The following SRSF10 variants were observed in gnomAD, a reference collection of about 807,000 sequenced individuals.
The protein encoded by SRSF10 is serine/arginine-rich splicing factor 10.
Under a neutral mutation model 32.6 loss-of-function variants are expected in SRSF10, and 9 were observed. The ratio of observed to expected loss-of-function variants is 0.28; its 90% CI spans 0.17 to 0.48. The LOEUF (loss-of-function observed/expected upper bound fraction) is 0.48. Among genes scored for constraint, SRSF10 ranks in the 20% least tolerant of loss-of-function variants. The pLI is 0.99. For missense variants in SRSF10, 201 were observed against 331.8 expected (o/e 0.61, Z 3.06); for synonymous variants, 105 against 112.4 (o/e 0.93, Z 0.42).
Position 23,970,917 on chromosome 1 carries a change from CAG to C in SRSF10, c.*223_*224del. 1.6e-6 allele frequency: 2 copies of C among 1,241,760 alleles called. No individual in the cohort carries two copies. The highest frequency in any genetic ancestry group is 2.0e-6 in the Non-Finnish European group (2 of 993,094). 76.9% of individuals were successfully genotyped at this position (1,241,760 alleles called of 1,614,324 possible). A position where few individuals can be genotyped will look rare whatever the true frequency, so the allele number is the denominator to read the frequency against. ...AAATGAGAATCTTTACAAAAATATACAGAGACACCACAAATTGGTAGCTGCCC... is the reference window on the plus strand; with the variant it reads ...AAATGAGAATCTTTACAAAAATATACAGACACCACAAATTGGTAGCTGCCC... On this transcript the variant is annotated 3_prime_UTR_variant, in exon 6 of 6. Coordinates refer to ENST00000492112, the MANE Select transcript of SRSF10 (RefSeq NM_054016.4).
chr1:23,978,282 A>T, intron 2 of SRSF10: 1 of 990,566 alleles, frequency 1.0e-6, no homozygotes, highest in South Asian at 4.6e-5. Flanking sequence ...CTCTGAGGTA[A>T]CAACAGAGGA....
chr1:23,980,086 T>G, intron 1 of SRSF10, 105 bp downstream of exon 1: 1 of 1,278,546 alleles, frequency 7.8e-7, no homozygotes, highest in Non-Finnish European at 1.1e-6. Context: ...GGACCCGCCA[T>G]CTTCACTCCG....
chr1:23,974,952 T>C lies in SRSF10; in HGVS notation c.274+22A>G. 6 of 1,513,798 alleles carry C rather than the reference T, an allele frequency of 4.0e-6. No homozygotes were observed. In the South Asian group the frequency reaches 4.5e-5, roughly 11 times the overall value. 93.8% of individuals were successfully genotyped at this position (1,513,798 alleles called of 1,614,324 possible). On this transcript the variant is annotated intron_variant, in intron 3 of 5. Transcript: ENST00000492112. ...ACACTAAAAAATAATGTTTCATACA[T>C]ATCAGGCATAAGGGTACTTACTCTT... is the stretch of plus-strand genomic sequence containing the variant.
Position 23,969,347 on chromosome 1 carries a change from A to G in SRSF10, c.*1795T>C, listed in dbSNP as rs1641611971. ...GTTGTTTAAACTATACATCCAGGAA[A>G]ATCTAAAAAAATTAAAGAAACGTGC... On this transcript the variant is annotated 3_prime_UTR_variant, in exon 6 of 6. Coordinates refer to ENST00000492112, the MANE Select transcript of SRSF10 (RefSeq NM_054016.4). The G allele has an allele frequency of 3.0e-6, 3 of 985,552 alleles. No individual in the cohort carries two copies. The highest frequency in any genetic ancestry group is 3.6e-6 in the Non-Finnish European group (3 of 829,622). 61.1% of individuals were successfully genotyped at this position (985,552 alleles called of 1,614,324 possible).
At position 23,967,345 on chromosome 1, in the gene SRSF10, A is replaced by G. The variant is rs1641501933; in HGVS notation, c.*3797T>C. ...GACAGACCAACAGAGGCACTGTAAG[A>G]GACTATGGCTGTCTTCCTTGATATT... On this transcript the variant is annotated 3_prime_UTR_variant, in exon 6 of 6. Transcript: ENST00000492112. 4.2e-6 allele frequency: 1 copy of G among 240,082 alleles called. No homozygotes were observed. Among genetic ancestry groups the G allele is most frequent in the African/African-American group, 2.2e-5 (1 of 44,518 alleles). The allele number at this position is 240,082 out of a possible 1,614,324, so 14.9% of individuals were successfully genotyped here. A position where few individuals can be genotyped will look rare whatever the true frequency, so the allele number is the denominator to read the frequency against.
chr1:23,979,898 G>A (rs1284427817), intron 1 of SRSF10, among the ~76,000 whole-genome samples: 1 of 152,034 alleles, frequency 6.6e-6, no homozygotes, highest in Non-Finnish European at 1.5e-5. Flanking sequence ...CGGAAAGGCC[G>A]CGGCGGGGGG....
Position 23,971,345 on chromosome 1 carries a change from G to A in SRSF10, c.586C>T (p.Arg196Cys), listed in dbSNP as rs1312399338. The change falls in exon 6 of 6, where the codon CGT (arginine) becomes TGT (cysteine). Residue 196 changes from arginine to cysteine, a missense_variant. Physicochemically the swap from Arg to Cys is radical, Grantham distance 180. This residue lies in a region of SRSF10 where 159 missense variants were observed against 196.7 expected (regional missense o/e 0.81). Coordinates refer to ENST00000492112, the MANE Select transcript of SRSF10 (RefSeq NM_054016.4). ...QPKKEMKAKS[R>C]SRSASHTKTR... ...TTGGTGTGAGATGCAGACCTAGAAC[G>A]TGATTTAGCCTTCATTTCTTTCTTG... 2.5e-6 allele frequency: 4 copies of A among 1,612,812 alleles called. No homozygotes were observed. The highest frequency in any genetic ancestry group is 3.4e-6 in the Non-Finnish European group (4 of 1,179,888).
chr1:23,968,149 C>CAT lies in SRSF10; in HGVS notation c.*2991_*2992dup, dbSNP rs1641548847. On this transcript the variant is annotated 3_prime_UTR_variant, in exon 6 of 6. Transcript: ENST00000492112. Reference sequence around the variant, plus strand: ...ACATAAAACACTACGTAAAGATCCTCATCAAGTATCAGTAGGATCCAAACT... The same window carrying CAT: ...ACATAAAACACTACGTAAAGATCCTCATATCAAGTATCAGTAGGATCCAAACT... 6.6e-6 allele frequency among the ~76,000 whole-genome samples: 1 copy of CAT among 152,118 alleles called. No individual in the cohort carries two copies. Among genetic ancestry groups the CAT allele is most frequent in the Admixed American group, 6.6e-5 (1 of 15,264 alleles).
In SRSF10 at chr1:23,971,341, G is replaced by C; in HGVS notation, c.590C>G (p.Ser197Cys). 2 of 1,612,892 alleles carry C rather than the reference G, an allele frequency of 1.2e-6. No homozygotes were observed. Among genetic ancestry groups the C allele is most frequent in the Non-Finnish European group, 8.5e-7 (1 of 1,179,896 alleles). Reference sequence around the variant, plus strand: ...AGTTTTGGTGTGAGATGCAGACCTAGAACGTGATTTAGCCTTCATTTCTTT... The same window carrying C: ...AGTTTTGGTGTGAGATGCAGACCTACAACGTGATTTAGCCTTCATTTCTTT... ...PKKEMKAKSR[S>C]RSASHTKTRG... Residue 197 changes from serine to cysteine, a missense_variant, in exon 6 of 6, where the codon TCT (serine) becomes TGT (cysteine). This residue lies in a region of SRSF10 where 159 missense variants were observed against 196.7 expected (regional missense o/e 0.81). Transcript: ENST00000492112.
At position 23,966,378 on chromosome 1, in the gene SRSF10, T is replaced by G. The variant is rs1387314728; in HGVS notation, c.*4764A>C. On this transcript the variant is annotated 3_prime_UTR_variant, in exon 6 of 6. Coordinates refer to ENST00000492112, the MANE Select transcript of SRSF10 (RefSeq NM_054016.4). The stretch of plus-strand genomic sequence containing the variant: ...GGCAAAAAAGATGACAAAAATCAAA[T>G]GTGATGAAATCAATGTATAGGTAAA... 1 of 151,918 alleles carries G rather than the reference T, an allele frequency of 6.6e-6. No individual in the cohort carries two copies. Among genetic ancestry groups the G allele is most frequent in the Non-Finnish European group, 1.5e-5 (1 of 67,856 alleles). The allele number at this position is 151,918 out of a possible 1,614,324, so 9.4% of individuals were successfully genotyped here. A position where few individuals can be genotyped will look rare whatever the true frequency, so the allele number is the denominator to read the frequency against.
At chr1:23,973,587 G>T (rs1641901274) in intron 3 of SRSF10, among the ~76,000 whole-genome samples, 1 of 151,954 alleles carries the variant, frequency 6.6e-6, no homozygotes, top group African/African-American at 2.4e-5. Flanking sequence ...TCCCAAAGTG[G>T]TGGGATTACA....
intron 1 of SRSF10, 89 bp downstream of exon 1, chr1:23,980,102 T>C: frequency 1.5e-6 from 2 of 1,364,950 alleles, no homozygotes; most frequent in Non-Finnish European, 2.0e-6. Context: ...CTCCGTCCCC[T>C]CCCCCGGCCC....
At position 23,967,787 on chromosome 1, in the gene SRSF10, T is replaced by G; in HGVS notation, c.*3355A>C. 6.3e-7 allele frequency: 1 copy of G among 1,596,506 alleles called. No homozygotes were observed. Among genetic ancestry groups the G allele is most frequent in the Non-Finnish European group, 8.5e-7 (1 of 1,170,210 alleles). On this transcript the variant is annotated 3_prime_UTR_variant, in exon 6 of 6. Transcript: ENST00000492112. ...TTATTCTTCTCTGTGGTATACAGGATTTTGTTAGTTGAACTGGATGTAGCA... is the reference window on the plus strand; with the variant it reads ...TTATTCTTCTCTGTGGTATACAGGAGTTTGTTAGTTGAACTGGATGTAGCA...
At chr1:23,979,054 C>CTTGTTT (rs1642252342) in intron 1 of SRSF10, 1 of 44,806 alleles carries the variant, frequency 2.2e-5, no homozygotes, top group African/African-American at 8.3e-5. Flanking sequence ...GTATATAAGC[C>CTTGTTT]TTGTTTTTTT....
Position 23,978,574 on chromosome 1 carries a change from CAG to C in SRSF10, c.170+137_170+138del, listed in dbSNP as rs1222287739. 3.9e-5 allele frequency: 43 copies of C among 1,113,458 alleles called. No individual in the cohort carries two copies. The African/African-American group carries it at 6.1e-4, about 16-fold the overall frequency. 69.0% of individuals were successfully genotyped at this position (1,113,458 alleles called of 1,614,324 possible). Reference sequence around the variant, plus strand: ...TTAATAACGAGAGCAATGTGTGAGTCAGAATTAATTTTCAAAAATTTGAAGAC... The same window carrying C: ...TTAATAACGAGAGCAATGTGTGAGTCAATTAATTTTCAAAAATTTGAAGAC... On this transcript the variant is annotated intron_variant, in intron 2 of 5. Coordinates refer to ENST00000492112, the MANE Select transcript of SRSF10 (RefSeq NM_054016.4).
Position 23,980,249 on chromosome 1 carries a change from G to A in SRSF10, c.7C>T (p.Arg3Cys). The change falls in exon 1 of 6, where the codon CGC (arginine) becomes TGC (cysteine). Residue 3 changes from arginine to cysteine, a missense_variant. Arg to Cys is a radical substitution (Grantham distance 180, BLOSUM62 -3). Transcript: ENST00000492112. Reference protein sequence around the residue: MSRYLRPPNTSLF... With the variant: MSCYLRPPNTSLF... ...GACGTGTTGGGGGGACGCAGGTAGC[G>A]GGACATGGCGGCGGCGTGTCTCGGC... 6.7e-7 allele frequency: 1 copy of A among 1,502,450 alleles called. No individual in the cohort carries two copies. The highest frequency in any genetic ancestry group is 8.9e-7 in the Non-Finnish European group (1 of 1,123,822). The allele number at this position is 1,502,450 out of a possible 1,614,324, so 93.1% of individuals were successfully genotyped here.
In SRSF10 at chr1:23,970,571, G is replaced by C. The variant is rs1641691433; in HGVS notation, c.*571C>G. On this transcript the variant is annotated 3_prime_UTR_variant, in exon 6 of 6. Transcript: ENST00000492112. ...AGACGGGGTTTCACCGTGTTGGTCA[G>C]GCTGGTCTCGAACTCCTGACCTCGT... is the stretch of plus-strand genomic sequence containing the variant. The C allele has an allele frequency of 3.0e-6, 2 of 666,814 alleles. No individual in the cohort carries two copies. The highest frequency in any genetic ancestry group is 3.7e-6 in the Non-Finnish European group (2 of 539,780). The allele number at this position is 666,814 out of a possible 1,614,324, so 41.3% of individuals were successfully genotyped here. A position where few individuals can be genotyped will look rare whatever the true frequency, so the allele number is the denominator to read the frequency against.
At position 23,980,313 on chromosome 1, in the gene SRSF10, A is replaced by G; in HGVS notation, c.-58T>C. The G allele has an allele frequency of 7.3e-7, 1 of 1,374,866 alleles. No homozygotes were observed. Among genetic ancestry groups the G allele is most frequent in the Non-Finnish European group, 9.5e-7 (1 of 1,053,960 alleles). The allele number at this position is 1,374,866 out of a possible 1,614,324, so 85.2% of individuals were successfully genotyped here. A position where few individuals can be genotyped will look rare whatever the true frequency, so the allele number is the denominator to read the frequency against. On this transcript the variant is annotated 5_prime_UTR_variant, in exon 1 of 6. Transcript: ENST00000492112. The stretch of plus-strand genomic sequence containing the variant: ...GGGCTCAGCAAACCGTCCGCGGCTC[A>G]GGCGGCCGAGCCTCAGACACACACA...
rs1035201144 is a variant in SRSF10, at chr1:23,975,099, G to C, written c.171-22C>G. 79 of 1,603,794 alleles carry C rather than the reference G, an allele frequency of 4.9e-5. No individual in the cohort carries two copies. In the East Asian group the frequency reaches 1.7e-3, roughly 35 times the overall value. The stretch of plus-strand genomic sequence containing the variant: ...AAATGTGCTAAATGTTAAGGGGCTT[G>C]GGAAGTTTTGCAAACTTTGATAATG... On this transcript the variant is annotated intron_variant, in intron 2 of 5. Transcript: ENST00000492112.
Sources: allele counts gnomAD v4.1 joint callset (sites outside exome capture counted in the v4.1 genomes callset), GRCh38; gene constraint gnomAD v4.1.1; regional missense constraint gnomAD v4.1.1; transcripts MANE v1.5; gene names NCBI Gene and HGNC (gene_info 2026-07-23, HGNC 2026-07-21).